The following GABRB3 variants were observed in gnomAD, a reference collection of about 807,000 sequenced individuals.
The protein encoded by GABRB3 is gamma-aminobutyric acid type A receptor subunit beta3.
GABRB3 carries 14 observed loss-of-function variants against 52.1 expected under a neutral mutation model. That is an observed-to-expected ratio of 0.27 (90% CI 0.18 to 0.42). The LOEUF (loss-of-function observed/expected upper bound fraction) is 0.42, where lower values mean the gene tolerates loss of function less well. GABRB3 is among the 10% of genes least tolerant of loss of function. GABRB3 has a pLI of 1.00. For synonymous variants in GABRB3, 260 were observed against 232.3 expected (o/e 1.12, Z -1.08); for missense variants, 307 against 609.1 (o/e 0.50, Z 5.22).
Position 26,754,992 on chromosome 15 carries a change from G to C in GABRB3, c.240+17410C>G, listed in dbSNP as rs925925303. 9.4e-5 allele frequency among the ~76,000 whole-genome samples: 14 copies of C among 148,230 alleles called. No individual in the cohort carries two copies. The East Asian group carries it at 2.9e-3, about 30-fold the overall frequency. ...ATGGAACTCCAGATAAAAATGGTTA[G>C]AGCCTCTAACAACTTTTTTTTTTTT... On this transcript the variant is annotated intron_variant, in intron 3 of 8. Transcript: ENST00000311550.
intron 4 of GABRB3, among the ~76,000 whole-genome samples, chr15:26,587,697 G>A (rs1208665518): frequency 6.6e-6 from 1 of 152,192 alleles, no homozygotes; most frequent in Non-Finnish European, 1.5e-5. Context: ...TTCACAGACG[G>A]TAGAACTGAG....
At chr15:26,646,822 T>A (rs979374404) in intron 3 of GABRB3, among the ~76,000 whole-genome samples, 2 of 152,162 alleles carry the variant, frequency 1.3e-5, no homozygotes, top group Admixed American at 6.5e-5. Flanking sequence ...CTTTTCCCTA[T>A]CAGCCATTCA....
intron 4 of GABRB3, 51 bp from the exon 5 acceptor site, chr15:26,583,465 T>C: frequency 7.0e-7 from 1 of 1,437,764 alleles, no homozygotes; most frequent in Non-Finnish European, 9.8e-7. Flanking sequence ...GAGAAATGTA[T>C]CAGGGAGACT....
chr15:26,719,845 G>A (rs1889596300), intron 3 of GABRB3, among the ~76,000 whole-genome samples: 1 of 152,122 alleles, frequency 6.6e-6, no homozygotes, highest in African/African-American at 2.4e-5. Context: ...CCAAACCGGC[G>A]ATTCCCAAAC....
rs71420014 is a variant in GABRB3, at chr15:26,628,673, C to CA, written c.241-7140dup. On this transcript the variant is annotated intron_variant, in intron 3 of 8. Transcript: ENST00000311550. ...AACTGACCCTACACAGCTATTTTCG[C>CA]AAAAAAAACAAAAAAACAAAAAAAC... Among the ~76,000 whole-genome samples the CA allele has an allele frequency of 0.01, 1,528 of 149,280 alleles. 25 individuals are homozygous for CA. Among genetic ancestry groups the CA allele is most frequent in the African/African-American group, 0.034 (1,402 of 40,654 alleles).
intron 3 of GABRB3, among the ~76,000 whole-genome samples, chr15:26,667,035 A>T (rs184197060): frequency 9.3e-4 from 142 of 152,330 alleles, no homozygotes; most frequent in Non-Finnish European, 1.6e-3. Context: ...TGCAGGGGTT[A>T]GGTGCTTTTG....
At chr15:26,722,581 C>T (rs1889670025) in intron 3 of GABRB3, among the ~76,000 whole-genome samples, 2 of 152,150 alleles carry the variant, frequency 1.3e-5, no homozygotes, top group Admixed American at 1.3e-4. Context: ...ATATTCAGTC[C>T]TCGTAATCTG....
Position 26,606,805 on chromosome 15 carries a change from T to TATCGATAGATATATCGATAGATAGATAG in GABRB3, c.461+14508_461+14509insCTATCTATCTATCGATATATCTATCGAT, listed in dbSNP as rs1275882932. Among the ~76,000 whole-genome samples, 132 of 118,046 alleles carry TATCGATAGATATATCGATAGATAGATAG rather than the reference T, an allele frequency of 1.1e-3. 1 individual carries two copies. The highest frequency in any genetic ancestry group is 5.2e-3 in the Middle Eastern group (1 of 192). The allele number at this position is 118,046 out of a possible 152,430, so 77.4% of individuals were successfully genotyped here. A position where few individuals can be genotyped will look rare whatever the true frequency, so the allele number is the denominator to read the frequency against. Reference sequence around the variant, plus strand: ...AGATATATCTATAGATAGATATATCTATAGATAGATAGATAGATAGATAGA... The same window carrying TATCGATAGATATATCGATAGATAGATAG: ...AGATATATCTATAGATAGATATATCTATCGATAGATATATCGATAGATAGATAGATAGATAGATAGATAGATAGATAGA... On this transcript the variant is annotated intron_variant, in intron 4 of 8. Transcript: ENST00000311550.
chr15:26,597,540 A>G (rs1279665242), intron 4 of GABRB3, among the ~76,000 whole-genome samples: 1 of 152,226 alleles, frequency 6.6e-6, no homozygotes, highest in Non-Finnish European at 1.5e-5. Flanking sequence ...CATGAGCTAC[A>G]TGGATGAAAT....
At chr15:26,702,724 T>C (rs1888976233) in intron 3 of GABRB3, among the ~76,000 whole-genome samples, 1 of 152,152 alleles carries the variant, frequency 6.6e-6, no homozygotes, top group African/African-American at 2.4e-5. Flanking sequence ...CCAAGAGAAA[T>C]GAAAGCATAT....
intron 4 of GABRB3, among the ~76,000 whole-genome samples, chr15:26,606,792 A>ATCGATAGATAGATATATC (rs1566770629): frequency 1.8e-5 from 1 of 54,698 alleles, no homozygotes; most frequent in African/African-American, 4.1e-5. Context: ...ATATATCTAT[A>ATCGATAGATAGATATATC]GATAGATATA....
At chr15:26,767,892 A>C (rs1891040349) in intron 3 of GABRB3, among the ~76,000 whole-genome samples, 1 of 152,142 alleles carries the variant, frequency 6.6e-6, no homozygotes, top group African/African-American at 2.4e-5. Flanking sequence ...TAATAGTGCA[A>C]ATGTGTGTGT....
At chr15:26,636,077 T>A (rs997113873) in intron 3 of GABRB3, among the ~76,000 whole-genome samples, 1 of 152,196 alleles carries the variant, frequency 6.6e-6, no homozygotes, top group African/African-American at 2.4e-5. Context: ...AATACTGTAA[T>A]CAAAGCCCAG....
intron 3 of GABRB3, among the ~76,000 whole-genome samples, chr15:26,684,917 T>C (rs894510860): frequency 1.3e-5 from 2 of 152,222 alleles, no homozygotes; most frequent in Non-Finnish European, 2.9e-5. Context: ...AAATGTAACT[T>C]GAGGACACTC....
intron 4 of GABRB3, among the ~76,000 whole-genome samples, chr15:26,594,326 T>G (rs1374282680): frequency 6.6e-6 from 1 of 152,062 alleles, no homozygotes; most frequent in African/African-American, 2.4e-5. Context: ...GCGGTCACTC[T>G]GAAAATCAGA....
At chr15:26,716,381 T>C (rs569218968) in intron 3 of GABRB3, among the ~76,000 whole-genome samples, 47 of 152,316 alleles carry the variant, frequency 3.1e-4, no homozygotes, top group Middle Eastern at 6.8e-3. Flanking sequence ...CTAAAACCCC[T>C]ATCTCAGCCC....
chr15:26,693,689 T>C (rs973714150), intron 3 of GABRB3, among the ~76,000 whole-genome samples: 3 of 151,836 alleles, frequency 2.0e-5, no homozygotes, highest in African/African-American at 7.3e-5. Context: ...CCCTGAAAAC[T>C]GGAGAGAGAG....
chr15:26,605,670 C>T (rs975515706), intron 4 of GABRB3, among the ~76,000 whole-genome samples: 14 of 152,250 alleles, frequency 9.2e-5, no homozygotes, highest in African/African-American at 3.1e-4. Flanking sequence ...ATAAGCCAGG[C>T]ATAGAAAGAC....
intron 3 of GABRB3, among the ~76,000 whole-genome samples, chr15:26,623,951 A>C (rs1272957937): frequency 6.6e-6 from 1 of 152,156 alleles, no homozygotes. Flanking sequence ...TTGTGTCCTG[A>C]TCTGTCGGCC....
Sources: gnomAD v4.1 joint callset for allele counts (sites outside exome capture counted in the v4.1 genomes callset) on GRCh38, gnomAD v4.1.1 for gene constraint, MANE v1.5 for transcripts, NCBI Gene and HGNC (gene_info 2026-07-23, HGNC 2026-07-21) for gene names.